Variants in EYS observed in about 807,000 individuals in gnomAD.
EYS encodes protein eyes shut homolog.
EYS carries 250 observed loss-of-function variants against 282.1 expected under a neutral mutation model. The observed-to-expected ratio is 0.89, with a 90% confidence interval of 0.80 to 0.98. The LOEUF (loss-of-function observed/expected upper bound fraction) is 0.98, where lower values mean the gene tolerates loss of function less well. Among genes scored for constraint, EYS ranks in the 50% least tolerant of loss-of-function variants. EYS has a pLI of 0.00. For missense variants in EYS, 4,016 were observed against 3,709.0 expected, an observed-to-expected ratio of 1.08 and a Z score of -2.15; for synonymous variants, 1,355 against 1,282.9, an observed-to-expected ratio of 1.06 and a Z score of -1.20.
chr6:64,139,055 GAGTTCCAGGAAATAAA>G (rs894840366), intron 31 of EYS, among the ~76,000 whole-genome samples: 1 of 152,008 alleles, frequency 6.6e-6, no homozygotes, highest in Admixed American at 6.6e-5. Context: ...CTGGGGATGG[GAGTTCCAGGAAATAAA>G]ACAGGTACAG....
chr6:65,407,422 AT>A (rs1303267558), intron 5 of EYS, among the ~76,000 whole-genome samples: 11 of 151,654 alleles, frequency 7.3e-5, no homozygotes, highest in Admixed American at 1.3e-4. Flanking sequence ...TGCCCAGATA[AT>A]TTTTGTATTT....
chr6:65,148,169 AC>A (rs1396221075), intron 12 of EYS, among the ~76,000 whole-genome samples: 1 of 152,136 alleles, frequency 6.6e-6, no homozygotes, highest in Non-Finnish European at 1.5e-5. Flanking sequence ...CAAAGGCTTA[AC>A]TGATTCCAGC....
intron 1 of EYS, among the ~76,000 whole-genome samples, chr6:65,671,909 A>C (rs2149832992): frequency 6.6e-6 from 1 of 152,268 alleles, no homozygotes; most frequent in East Asian, 1.9e-4. Flanking sequence ...TTTGAATCTA[A>C]GTGCTGACAG....
chr6:65,225,463 C>T (rs994644398), intron 12 of EYS, among the ~76,000 whole-genome samples: 11 of 151,756 alleles, frequency 7.2e-5, no homozygotes, highest in Admixed American at 2.0e-4. Context: ...CGCCTGTAAT[C>T]CCAGCACTTT....
chr6:64,524,915 A>G (rs1365859061), intron 26 of EYS, among the ~76,000 whole-genome samples: 1 of 151,876 alleles, frequency 6.6e-6, no homozygotes, highest in Non-Finnish European at 1.5e-5. Flanking sequence ...GCCAACAAGC[A>G]TATGAAGAAA....
At chr6:63,965,873 A>G (rs1324554712) in intron 35 of EYS, among the ~76,000 whole-genome samples, 1 of 152,222 alleles carries the variant, frequency 6.6e-6, no homozygotes, top group Non-Finnish European at 1.5e-5. Flanking sequence ...GAAAAGAATC[A>G]TGGGCATTTT....
chr6:64,712,940 A>G (rs1771260534), intron 22 of EYS, among the ~76,000 whole-genome samples: 1 of 152,204 alleles, frequency 6.6e-6, no homozygotes, highest in Admixed American at 6.5e-5. Flanking sequence ...CCACACATCA[A>G]AACAACTATT....
intron 5 of EYS, among the ~76,000 whole-genome samples, chr6:65,457,853 T>C (rs888596039): frequency 1.3e-5 from 2 of 152,180 alleles, no homozygotes; most frequent in South Asian, 4.1e-4. Flanking sequence ...AGTCATCTTA[T>C]CTTTTTAAAT....
intron 13 of EYS, among the ~76,000 whole-genome samples, chr6:65,039,223 G>C (rs576924261): frequency 6.6e-6 from 1 of 151,194 alleles, no homozygotes; most frequent in African/African-American, 2.4e-5. Context: ...CATTTTTTCC[G>C]TATGAATATC....
intron 2 of EYS, among the ~76,000 whole-genome samples, chr6:65,636,354 C>G (rs886385445): frequency 3.3e-5 from 5 of 152,174 alleles, no homozygotes; most frequent in Non-Finnish European, 7.3e-5. Flanking sequence ...ATTCATTGTC[C>G]TCTGGCTACA....
intron 35 of EYS, among the ~76,000 whole-genome samples, chr6:63,982,291 G>A (rs1767136763): frequency 6.6e-6 from 1 of 151,758 alleles, no homozygotes; most frequent in Admixed American, 6.6e-5. Context: ...CAGTTTCCAT[G>A]AGCCAAGTTT....
At chr6:65,088,721 G>T (rs573835965) in intron 12 of EYS, among the ~76,000 whole-genome samples, 1 of 152,242 alleles carries the variant, frequency 6.6e-6, no homozygotes, top group East Asian at 1.9e-4. Context: ...TAATCACCAA[G>T]ACAATGGGGT....
At chr6:64,392,217 C>T (rs200250173) in intron 28 of EYS, among the ~76,000 whole-genome samples, 39,959 of 141,432 alleles carry the variant, frequency 0.28, 5,655 homozygotes, top group East Asian at 0.44. Flanking sequence ...GACAGATCAA[C>T]GAGACAGAAA....
intron 19 of EYS, among the ~76,000 whole-genome samples, chr6:64,856,446 G>A (rs1019292429): frequency 9.2e-5 from 14 of 151,894 alleles, no homozygotes; most frequent in African/African-American, 1.7e-4. Context: ...GACTACAGGC[G>A]CTTGCCACCA....
intron 22 of EYS, among the ~76,000 whole-genome samples, chr6:64,673,931 C>T (rs1003660194): frequency 1.3e-5 from 2 of 151,912 alleles, no homozygotes; most frequent in East Asian, 1.9e-4. Flanking sequence ...ATAATGAATG[C>T]AATATGTGTT....
intron 19 of EYS, among the ~76,000 whole-genome samples, chr6:64,842,937 A>G (rs1425573845): frequency 3.9e-5 from 6 of 152,170 alleles, no homozygotes; most frequent in South Asian, 4.1e-4. Context: ...AAAAATTTGC[A>G]TAAGTAACAA....
At chr6:64,503,793 G>T (rs1481583943) in intron 26 of EYS, among the ~76,000 whole-genome samples, 1 of 152,020 alleles carries the variant, frequency 6.6e-6, no homozygotes, top group Non-Finnish European at 1.5e-5. Context: ...TCATCAAATT[G>T]TAATCCCTAC....
intron 34 of EYS, among the ~76,000 whole-genome samples, chr6:63,995,875 G>C (rs1767811291): frequency 6.6e-6 from 1 of 151,866 alleles, no homozygotes; most frequent in Non-Finnish European, 1.5e-5. Context: ...ATAAATTTTG[G>C]TGATCTATTG....
intron 36 of EYS, among the ~76,000 whole-genome samples, chr6:63,850,855 C>T (rs1397361058): frequency 6.6e-6 from 1 of 152,140 alleles, no homozygotes; most frequent in African/African-American, 2.4e-5. Context: ...GGGCTAAATG[C>T]CCCAATTAAA....
Sources: allele counts gnomAD v4.1 joint callset (sites outside exome capture counted in the v4.1 genomes callset), GRCh38; gene constraint gnomAD v4.1.1; transcripts MANE v1.5; gene names NCBI Gene and HGNC (gene_info 2026-07-23, HGNC 2026-07-21).